The following NRG3 variants were observed in gnomAD, a reference collection of about 807,000 sequenced individuals.
The protein encoded by NRG3 is pro-neuregulin-3, membrane-bound isoform.
A neutral mutation model predicts 66.9 loss-of-function variants in NRG3; 31 were observed. The ratio of observed to expected loss-of-function variants is 0.46; its 90% CI spans 0.35 to 0.63. The LOEUF (loss-of-function observed/expected upper bound fraction) is 0.63. NRG3 is among the 20% of genes least tolerant of loss of function. The pLI is 0.00. For missense variants in NRG3, 910 were observed against 878.9 expected, an observed-to-expected ratio of 1.04 and a Z score of -0.45; for synonymous variants, 393 against 359.4, an observed-to-expected ratio of 1.09 and a Z score of -1.06.
chr10:82,043,890 A>G (rs1250159830), intron 1 of NRG3, among the ~76,000 whole-genome samples: 2 of 152,094 alleles, frequency 1.3e-5, no homozygotes, highest in Non-Finnish European at 2.9e-5. Flanking sequence ...AACATCACCA[A>G]ACTTCTAAAT....
At chr10:82,690,968 T>TTCCTCCTCTTTCTCCTTCTTC (rs2054879711) in intron 2 of NRG3, among the ~76,000 whole-genome samples, 1 of 152,146 alleles carries the variant, frequency 6.6e-6, no homozygotes, top group African/African-American at 2.4e-5. Context: ...ACTTCTCTCC[T>TTCCTCCTCTTTCTCCTTCTTC]TCCTCCTCTT....
chr10:82,849,983 G>A (rs1053922962), intron 3 of NRG3, among the ~76,000 whole-genome samples: 2 of 152,164 alleles, frequency 1.3e-5, no homozygotes, highest in Non-Finnish European at 1.5e-5. Flanking sequence ...GAGCAAAGGT[G>A]GAAGCAGATA....
At chr10:82,235,852 C>A (rs774954156) in intron 1 of NRG3, among the ~76,000 whole-genome samples, 1 of 152,154 alleles carries the variant, frequency 6.6e-6, no homozygotes, top group Non-Finnish European at 1.5e-5. Context: ...TTTTATCATG[C>A]ATGAATGAGT....
At chr10:82,204,732 T>C (rs551799368) in intron 1 of NRG3, among the ~76,000 whole-genome samples, 2 of 152,330 alleles carry the variant, frequency 1.3e-5, no homozygotes, top group East Asian at 3.9e-4. Context: ...CCTGTAAATC[T>C]CTTCTCAATT....
intron 6 of NRG3, among the ~76,000 whole-genome samples, chr10:82,963,679 CA>C (rs11383204): frequency 2.0e-5 from 3 of 149,924 alleles, no homozygotes; most frequent in East Asian, 2.0e-4. Flanking sequence ...GACAACGTCT[CA>C]AAAAAAAATA....
At chr10:82,583,741 G>A (rs1054797363) in intron 2 of NRG3, among the ~76,000 whole-genome samples, 7 of 152,100 alleles carry the variant, frequency 4.6e-5, no homozygotes, top group Non-Finnish European at 7.4e-5. Flanking sequence ...CCTTCCACTC[G>A]GTTGAGTGCT....
At chr10:82,516,783 A>G (rs1047701754) in intron 2 of NRG3, among the ~76,000 whole-genome samples, 1 of 152,160 alleles carries the variant, frequency 6.6e-6, no homozygotes, top group Non-Finnish European at 1.5e-5. Context: ...AGAAATCAGG[A>G]AGTAAGAGTT....
At chr10:81,975,373 CT>C (rs2060086884) in intron 1 of NRG3, among the ~76,000 whole-genome samples, 4 of 144,728 alleles carry the variant, frequency 2.8e-5, no homozygotes, top group South Asian at 2.2e-4. Flanking sequence ...ATCTATCTAT[CT>C]ATTCATCCAT....
intron 1 of NRG3, among the ~76,000 whole-genome samples, chr10:81,951,731 G>A (rs1359000480): frequency 6.6e-6 from 1 of 152,258 alleles, no homozygotes; most frequent in South Asian, 2.1e-4. Flanking sequence ...TGTTACAGTT[G>A]CTTATTTTAA....
At chr10:82,908,308 G>A (rs1279239699) in intron 4 of NRG3, among the ~76,000 whole-genome samples, 1 of 152,158 alleles carries the variant, frequency 6.6e-6, no homozygotes. Context: ...TCTGCAGTGA[G>A]TCCACAAGTA....
chr10:82,690,319 A>G (rs1264817635), intron 2 of NRG3, among the ~76,000 whole-genome samples: 3 of 151,444 alleles, frequency 2.0e-5, no homozygotes, highest in African/African-American at 7.3e-5. Context: ...ACAGGAACAT[A>G]GGGAAATCTT....
intron 1 of NRG3, chr10:81,889,391 G>A (rs954614052): frequency 6.6e-6 from 1 of 152,218 alleles, no homozygotes; most frequent in Admixed American, 6.5e-5. Flanking sequence ...TGTATAAGAT[G>A]AGGCTCTTGC....
chr10:82,938,091 T>C (rs1848250723), intron 4 of NRG3, among the ~76,000 whole-genome samples: 1 of 152,226 alleles, frequency 6.6e-6, no homozygotes, highest in African/African-American at 2.4e-5. Flanking sequence ...TTAAAGCGAA[T>C]TTCTCCCTTG....
intron 4 of NRG3, among the ~76,000 whole-genome samples, chr10:82,923,949 T>C (rs1460913094): frequency 6.6e-6 from 1 of 151,566 alleles, no homozygotes; most frequent in Non-Finnish European, 1.5e-5. Flanking sequence ...AATACAAAAA[T>C]TAGCTGGGCA....
chr10:82,242,795 C>G (rs1323548784), intron 1 of NRG3, among the ~76,000 whole-genome samples: 1 of 152,044 alleles, frequency 6.6e-6, no homozygotes. Context: ...GGCAGGGAAC[C>G]CATTCTCCAC....
intron 1 of NRG3, among the ~76,000 whole-genome samples, chr10:82,057,548 C>T (rs980378386): frequency 6.6e-6 from 1 of 152,038 alleles, no homozygotes; most frequent in Non-Finnish European, 1.5e-5. Context: ...AAATTGTCTT[C>T]AGAAAGGATT....
intron 3 of NRG3, among the ~76,000 whole-genome samples, chr10:82,849,165 A>G (rs185114888): frequency 6.6e-4 from 100 of 152,328 alleles, no homozygotes; most frequent in Non-Finnish European, 1.2e-3. Context: ...GGACACAGAC[A>G]TGCACATAGG....
chr10:82,046,113 T>C (rs1259917131), intron 1 of NRG3, among the ~76,000 whole-genome samples: 3 of 143,116 alleles, frequency 2.1e-5, no homozygotes, highest in Non-Finnish European at 4.6e-5. Context: ...AGAAAGTCAT[T>C]GGTAGCTTTA....
At chr10:82,132,229 G>A (rs541467610) in intron 1 of NRG3, among the ~76,000 whole-genome samples, 3 of 151,420 alleles carry the variant, frequency 2.0e-5, no homozygotes, top group African/African-American at 7.3e-5. Context: ...AGTTTTATAA[G>A]TATTTTTATT....
Sources: allele counts gnomAD v4.1 joint callset (sites outside exome capture counted in the v4.1 genomes callset), GRCh38; gene constraint gnomAD v4.1.1; transcripts MANE v1.5; gene names NCBI Gene and HGNC (gene_info 2026-07-23, HGNC 2026-07-21).